Variants in SLC12A7 observed in about 807,000 individuals in gnomAD.
The protein encoded by SLC12A7 is K-Cl cotransporter 4.
In SLC12A7, 100 loss-of-function variants were observed where a neutral mutation model predicts 120.6. The ratio of observed to expected loss-of-function variants is 0.83; its 90% CI spans 0.71 to 0.98. SLC12A7 has a LOEUF of 0.98. Ranked by LOEUF, SLC12A7 falls within the 50% of genes least tolerant of loss-of-function variation. SLC12A7 has a pLI of 0.00. For synonymous variants in SLC12A7, 760 were observed against 678.0 expected, an observed-to-expected ratio of 1.12 and a Z score of -1.88; for missense variants, 1,373 against 1,548.1, an observed-to-expected ratio of 0.89 and a Z score of 1.90.
intron 22 of SLC12A7, among the ~76,000 whole-genome samples, chr5:1,054,609 G>A (rs750677185): frequency 2.6e-5 from 4 of 152,148 alleles, no homozygotes; most frequent in Non-Finnish European, 4.4e-5. Flanking sequence ...CCGTGCGGTC[G>A]TGACTGTGGC....
At chr5:1,069,398 C>CGGGGAGGCGGTGG (rs1737399747) in intron 17 of SLC12A7, among the ~76,000 whole-genome samples, 4 of 152,272 alleles carry the variant, frequency 2.6e-5, no homozygotes, top group African/African-American at 9.6e-5. Context: ...AGAAACGGAC[C>CGGGGAGGCGGTGG]GGGGAGGCGG....
chr5:1,137,909 C>G, the SLC12A7 span, among the ~76,000 whole-genome samples: 1 of 152,220 alleles, frequency 6.6e-6, no homozygotes, highest in African/African-American at 2.4e-5. Flanking sequence ...GGAAGACACC[C>G]TAAGGGGGTC....
the SLC12A7 span, among the ~76,000 whole-genome samples, chr5:1,154,240 C>T: frequency 6.6e-6 from 1 of 152,002 alleles, no homozygotes; most frequent in African/African-American, 2.4e-5. Context: ...GTCTCCAAAG[C>T]GTGTGTGTCC....
chr5:1,106,524 C>T (rs1010448206), intron 1 of SLC12A7, among the ~76,000 whole-genome samples: 1 of 152,126 alleles, frequency 6.6e-6, no homozygotes, highest in South Asian at 2.1e-4. Context: ...CTCCGGGCAG[C>T]CAGCTGGCCT....
chr5:1,087,892 A>C (rs925408581), intron 5 of SLC12A7, among the ~76,000 whole-genome samples: 2 of 152,212 alleles, frequency 1.3e-5, no homozygotes, highest in Admixed American at 1.3e-4. Flanking sequence ...CTAGTTATTT[A>C]GTTATTATGT....
the SLC12A7 span, among the ~76,000 whole-genome samples, chr5:1,123,040 G>A: frequency 1.1e-4 from 17 of 152,352 alleles, no homozygotes; most frequent in East Asian, 5.8e-4. Flanking sequence ...GGGTGGCTAC[G>A]CCAGCATCAT....
At chr5:1,151,293 A>G in the SLC12A7 span, among the ~76,000 whole-genome samples, 1 of 152,330 alleles carries the variant, frequency 6.6e-6, no homozygotes, top group South Asian at 2.1e-4. This position sits in a 1 kb window ranked among gnomAD's most constrained non-coding sequence, Gnocchi z 6.2. Context: ...AGATGCAGAC[A>G]TCCACTCACA....
At position 1,112,052 on chromosome 5, in the gene SLC12A7, C is replaced by T; in HGVS notation, c.-61G>A. 1 of 1,209,326 alleles carries T rather than the reference C, an allele frequency of 8.3e-7. No individual in the cohort carries two copies. Among genetic ancestry groups the T allele is most frequent in the African/African-American group, 1.6e-5 (1 of 63,612 alleles). The allele number at this position is 1,209,326 out of a possible 1,614,324, so 74.9% of individuals were successfully genotyped here. On this transcript the variant is annotated 5_prime_UTR_variant, in exon 1 of 24. Transcript: ENST00000264930. ...GCCCGCGCTGCGCCGCTCCCGCCGA[C>T]GCCACGGGACTTGGAGGCAGGGGCG...
At position 1,092,826 on chromosome 5, in the gene SLC12A7, G is replaced by A. The variant is rs573619613; in HGVS notation, c.342+707C>T. Among the ~76,000 whole-genome samples, 7 of 152,170 alleles carry A rather than the reference G, an allele frequency of 4.6e-5. No homozygotes were observed. In the East Asian group the frequency reaches 1.4e-3, roughly 30 times the overall value. ...GAGTTGAGAAGAAACTGAGCCACCC[G>A]CCGCACCCCCACAGCGAGGACCTAA... On this transcript the variant is annotated intron_variant, in intron 3 of 23. Coordinates refer to ENST00000264930, the MANE Select transcript of SLC12A7 (RefSeq NM_006598.3).
In SLC12A7 at chr5:1,111,899, G is replaced by A; in HGVS notation, c.93C>T (p.Pro31=). The part of the protein sequence containing the change: ...TAERTEAPGT[P]EGPEPERPSP... ...TGGGGCGCTCGGGCTCGGGGCCCTC[G>A]GGGGTGCCCGGAGCCTCCGTCCGCT... is the stretch of plus-strand genomic sequence containing the variant. The change falls in exon 1 of 24, where the codon CCC becomes CCT. Residue 31 remains proline, a synonymous_variant. Transcript: ENST00000264930. 3.2e-6 allele frequency: 4 copies of A among 1,240,032 alleles called. No individual in the cohort carries two copies. The highest frequency in any genetic ancestry group is 3.0e-6 in the Non-Finnish European group (3 of 990,230). 76.8% of individuals were successfully genotyped at this position (1,240,032 alleles called of 1,614,324 possible).
At position 1,073,771 on chromosome 5, in the gene SLC12A7, G is replaced by C. The variant is rs145211606; in HGVS notation, c.2103C>G (p.Asp701Glu). Residue 701 changes from aspartate to glutamate, a missense_variant, in exon 17 of 24, where the codon GAC becomes GAG. Transcript: ENST00000264930. ...RPQVLVMLNL[D>E]AEQAVKHPRL... ...GGGGGTGCTTCACGGCCTGCTCCGCGTCCAGGTTCAGCATCACCAGCACCT... is the reference window on the plus strand; with the variant it reads ...GGGGGTGCTTCACGGCCTGCTCCGCCTCCAGGTTCAGCATCACCAGCACCT... The C allele has an allele frequency of 6.8e-7, 1 of 1,479,992 alleles. No individual in the cohort carries two copies. Among genetic ancestry groups the C allele is most frequent in the Admixed American group, 2.2e-5 (1 of 44,500 alleles). 91.7% of individuals were successfully genotyped at this position (1,479,992 alleles called of 1,614,324 possible). A position where few individuals can be genotyped will look rare whatever the true frequency, so the allele number is the denominator to read the frequency against.
chr5:1,121,060 C>T, the SLC12A7 span, among the ~76,000 whole-genome samples: 1 of 152,234 alleles, frequency 6.6e-6, no homozygotes, highest in Non-Finnish European at 1.5e-5. Context: ...GCATCCTGAC[C>T]TTGACACTGA....
At chr5:1,082,944 C>A (rs1231966843) in intron 8 of SLC12A7, among the ~76,000 whole-genome samples, 1 of 137,978 alleles carries the variant, frequency 7.2e-6, no homozygotes, top group African/African-American at 2.7e-5. Flanking sequence ...CTGGGCTTCC[C>A]GTCTCGGGTT....
chr5:1,074,218 C>A (rs943670280), intron 16 of SLC12A7, among the ~76,000 whole-genome samples: 10 of 151,614 alleles, frequency 6.6e-5, no homozygotes, highest in African/African-American at 2.4e-4. Flanking sequence ...GCCGAGGCCC[C>A]TGAGGGGACA....
At chr5:1,146,277 G>T in the SLC12A7 span, among the ~76,000 whole-genome samples, 17 of 152,284 alleles carry the variant, frequency 1.1e-4, no homozygotes, top group Middle Eastern at 6.8e-3. The surrounding 1 kb of genome is among the most constrained non-coding windows in gnomAD (Gnocchi z 6.5). Flanking sequence ...CAGCAGGTGG[G>T]CTTTTGGAGT....
rs1742318986 is a variant in SLC12A7, at chr5:1,104,534, G to A, written c.124+7334C>T. On this transcript the variant is annotated intron_variant, in intron 1 of 23. Transcript: ENST00000264930. Reference sequence around the variant, plus strand: ...CTATCCATGGCCAGCCTTGGGCTCAGGTCCCAGCCCCCAAACTTCCCAGAG... The same window carrying A: ...CTATCCATGGCCAGCCTTGGGCTCAAGTCCCAGCCCCCAAACTTCCCAGAG... 2.6e-5 allele frequency among the ~76,000 whole-genome samples: 4 copies of A among 152,304 alleles called. No homozygotes were observed. The South Asian group carries it at 8.3e-4, about 32-fold the overall frequency.
intron 22 of SLC12A7, 137 bp downstream of exon 22, chr5:1,057,334 C>G: frequency 1.1e-6 from 1 of 901,998 alleles, no homozygotes; most frequent in East Asian, 2.6e-5. Flanking sequence ...TCAGGCGGCT[C>G]CCTGTTCTCT....
At chr5:1,128,192 C>T in the SLC12A7 span, among the ~76,000 whole-genome samples, 3 of 152,232 alleles carry the variant, frequency 2.0e-5, no homozygotes, top group Admixed American at 2.0e-4. Flanking sequence ...CCTTCCCCTG[C>T]ACCTGTGGTC....
chr5:1,069,912 C>T (rs766508684), intron 17 of SLC12A7, among the ~76,000 whole-genome samples: 81 of 152,218 alleles, frequency 5.3e-4, no homozygotes, highest in Middle Eastern at 3.4e-3. Flanking sequence ...GCATGCTACA[C>T]GCCCGGGGCA....
Sources: allele counts gnomAD v4.1 joint callset (sites outside exome capture counted in the v4.1 genomes callset), GRCh38; gene constraint gnomAD v4.1.1; non-coding constraint Gnocchi (gnomAD v3.1); transcripts MANE v1.5; gene names NCBI Gene and HGNC (gene_info 2026-07-23, HGNC 2026-07-21).